The following ERBB4 variants were observed in gnomAD, a reference collection of about 807,000 sequenced individuals.
ERBB4 encodes receptor tyrosine-protein kinase erbB-4.
In ERBB4, 42 loss-of-function variants were observed where a neutral mutation model predicts 158.0. That is an observed-to-expected ratio of 0.27 (90% CI 0.21 to 0.34). The LOEUF (loss-of-function observed/expected upper bound fraction) is 0.34, where lower values mean the gene tolerates loss of function less well. ERBB4 is among the 10% of genes least tolerant of loss of function. The pLI, the probability that ERBB4 is intolerant of heterozygous loss-of-function variation, is 1.00. For missense variants in ERBB4, 1,333 were observed against 1,624.1 expected, an observed-to-expected ratio of 0.82 and a Z score of 3.08; for synonymous variants, 583 against 558.7, an observed-to-expected ratio of 1.04 and a Z score of -0.61.
rs117442484 is a variant in ERBB4, at chr2:211,826,033, C to T, written c.422-37874G>A. ...CTACATATAGCTTCCCTAGAATCAA[C>T]CTAATCCCAAGAAGACATGGAGATC... On this transcript the variant is annotated intron_variant, in intron 3 of 27. Coordinates refer to ENST00000342788, the MANE Select transcript of ERBB4 (RefSeq NM_005235.3). Among the ~76,000 whole-genome samples, 332 of 151,390 alleles carry T rather than the reference C, an allele frequency of 2.2e-3. 7 individuals are homozygous for T. The highest frequency in any genetic ancestry group is 1.9e-3 in the East Asian group (10 of 5,144).
At chr2:212,223,394 C>A (rs555249685) in intron 1 of ERBB4, among the ~76,000 whole-genome samples, 2 of 144,270 alleles carry the variant, frequency 1.4e-5, no homozygotes, top group South Asian at 2.2e-4. Flanking sequence ...ATATTTATAT[C>A]TTCATATATA....
rs2082910842 is a variant in ERBB4, at chr2:212,210,786, C to T, written c.83-85883G>A. 2.0e-5 allele frequency among the ~76,000 whole-genome samples: 3 copies of T among 152,076 alleles called. No homozygotes were observed. In the South Asian group the frequency reaches 6.2e-4, roughly 31 times the overall value. On this transcript the variant is annotated intron_variant, in intron 1 of 27. Coordinates refer to ENST00000342788, the MANE Select transcript of ERBB4 (RefSeq NM_005235.3). ...TTCTCTTCTGTTTATTCTGGAAATACTCTCTGAGGGATGTCATGGTTTCAT... is the reference window on the plus strand; with the variant it reads ...TTCTCTTCTGTTTATTCTGGAAATATTCTCTGAGGGATGTCATGGTTTCAT...
intron 1 of ERBB4, among the ~76,000 whole-genome samples, chr2:212,315,529 T>C (rs2087234796): frequency 2.0e-5 from 3 of 151,510 alleles, no homozygotes; most frequent in African/African-American, 7.3e-5. Context: ...ACTGATTCTA[T>C]GCTGGCAAAA....
At chr2:212,014,123 T>G (rs1559317935) in intron 2 of ERBB4, among the ~76,000 whole-genome samples, 1 of 152,232 alleles carries the variant, frequency 6.6e-6, no homozygotes, top group Non-Finnish European at 1.5e-5. Flanking sequence ...GTTGTCACTG[T>G]GCATGCTGGC....
At chr2:211,688,982 TATC>T (rs1457252436) in intron 12 of ERBB4, among the ~76,000 whole-genome samples, 1 of 152,146 alleles carries the variant, frequency 6.6e-6, no homozygotes, top group African/African-American at 2.4e-5. Flanking sequence ...TAAAATGAAA[TATC>T]ATATATTATG....
chr2:212,125,059 G>A, intron 1 of ERBB4, 156 bp from the exon 2 acceptor site: 1 of 786,334 alleles, frequency 1.3e-6, no homozygotes. Flanking sequence ...CCCACGCACT[G>A]ATGAACATTT....
intron 1 of ERBB4, among the ~76,000 whole-genome samples, chr2:212,267,075 T>C (rs1374661385): frequency 7.5e-6 from 1 of 133,308 alleles, no homozygotes; most frequent in Non-Finnish European, 1.7e-5. Flanking sequence ...TCGGAGCTTT[T>C]CTAAATTACA....
chr2:212,113,872 T>TTC (rs1403436647), intron 2 of ERBB4, among the ~76,000 whole-genome samples: 6 of 152,302 alleles, frequency 3.9e-5, no homozygotes, highest in African/African-American at 1.4e-4. Flanking sequence ...GTACTACAGA[T>TTC]TCTGCAAGAC....
At chr2:212,183,665 A>G (rs2081937998) in intron 1 of ERBB4, among the ~76,000 whole-genome samples, 1 of 152,018 alleles carries the variant, frequency 6.6e-6, no homozygotes, top group South Asian at 2.1e-4. Flanking sequence ...CTACACTTTC[A>G]GTTAATTTAT....
At chr2:211,971,849 T>C (rs988757630) in intron 2 of ERBB4, among the ~76,000 whole-genome samples, 1 of 152,178 alleles carries the variant, frequency 6.6e-6, no homozygotes, top group African/African-American at 2.4e-5. Context: ...GCATTCCCCT[T>C]GAAATTGTCA....
intron 12 of ERBB4, among the ~76,000 whole-genome samples, chr2:211,691,602 GTATA>G (rs796180189): frequency 4.4e-4 from 64 of 145,394 alleles, no homozygotes; most frequent in Non-Finnish European, 5.8e-4. Context: ...GTGTGTGTGT[GTATA>G]TATATAACAG....
rs570155407 is a variant in ERBB4 at position 211,474,450 on chromosome 2, C to G, written c.2488-43350G>C. On this transcript the variant is annotated intron_variant, in intron 20 of 27. Transcript: ENST00000342788. ...GTAAGACATATTTGACTCCAAAGCC[C>G]TTGCTTTAAACCATGGATTTAATAA... 3.9e-5 allele frequency among the ~76,000 whole-genome samples: 6 copies of G among 151,946 alleles called. No homozygotes were observed. The South Asian group carries it at 1.2e-3, about 32-fold the overall frequency.
intron 19 of ERBB4, among the ~76,000 whole-genome samples, chr2:211,590,241 T>C (rs770371593): frequency 1.3e-5 from 2 of 152,186 alleles, no homozygotes; most frequent in Non-Finnish European, 2.9e-5. Context: ...TTCCTGAGCA[T>C]AGGCAGAACT....
chr2:212,313,391 A>G (rs1023466902), intron 1 of ERBB4, among the ~76,000 whole-genome samples: 10 of 150,970 alleles, frequency 6.6e-5, no homozygotes, highest in African/African-American at 2.4e-4. Context: ...TTTCATTTAC[A>G]TAATTTGATT....
chr2:212,100,696 A>C (rs1272865138), intron 2 of ERBB4, among the ~76,000 whole-genome samples: 1 of 152,196 alleles, frequency 6.6e-6, no homozygotes, highest in East Asian at 1.9e-4. Flanking sequence ...TGAGGAATGA[A>C]ATAAACGAAG....
At chr2:211,756,376 T>C (rs1267539818) in intron 4 of ERBB4, among the ~76,000 whole-genome samples, 1 of 152,112 alleles carries the variant, frequency 6.6e-6, no homozygotes, top group African/African-American at 2.4e-5. Context: ...CACAGAGGCA[T>C]GGATGAGCAC....
chr2:212,263,944 T>G (rs1014606341), intron 1 of ERBB4, among the ~76,000 whole-genome samples: 3 of 152,144 alleles, frequency 2.0e-5, no homozygotes, highest in African/African-American at 7.2e-5. Context: ...TTGTAATATC[T>G]ATGGCTTGTC....
chr2:212,321,307 A>T (rs2087558567), intron 1 of ERBB4, among the ~76,000 whole-genome samples: 1 of 150,638 alleles, frequency 6.6e-6, no homozygotes, highest in Admixed American at 6.6e-5. Flanking sequence ...AAGGTAATAA[A>T]GGTAAGCAAA....
At chr2:212,451,663 T>C (rs1458197059) in intron 1 of ERBB4, among the ~76,000 whole-genome samples, 1 of 152,200 alleles carries the variant, frequency 6.6e-6, no homozygotes, top group African/African-American at 2.4e-5. Context: ...AAATAAATTA[T>C]AGCAAAACTA....
Sources: allele counts gnomAD v4.1 joint callset (sites outside exome capture counted in the v4.1 genomes callset), GRCh38; gene constraint gnomAD v4.1.1; transcripts MANE v1.5; gene names NCBI Gene and HGNC (gene_info 2026-07-23, HGNC 2026-07-21).